Variants in GPC5 observed in about 807,000 individuals in gnomAD.
The protein encoded by GPC5 is glypican-5.
Under a neutral mutation model 53.9 loss-of-function variants are expected in GPC5, and 47 were observed. That is an observed-to-expected ratio of 0.87 (90% CI 0.69 to 1.11). GPC5 has a LOEUF of 1.11. Ranked by LOEUF, GPC5 falls within the 50% of genes most tolerant of loss-of-function variation. GPC5 has a pLI of 0.00. For synonymous variants in GPC5, 286 were observed against 263.3 expected, an observed-to-expected ratio of 1.09 and a Z score of -0.84; for missense variants, 748 against 713.1, an observed-to-expected ratio of 1.05 and a Z score of -0.56.
At chr13:92,518,396 A>G (rs1382398633) in intron 7 of GPC5, among the ~76,000 whole-genome samples, 1 of 152,220 alleles carries the variant, frequency 6.6e-6, no homozygotes, top group Non-Finnish European at 1.5e-5. Flanking sequence ...GGTTACCCAC[A>G]AAGGGAACCC....
chr13:92,080,551 A>G (rs9301778), intron 6 of GPC5, among the ~76,000 whole-genome samples: 79,070 of 151,938 alleles, frequency 0.52, 20,977 homozygotes, highest in East Asian at 0.79. Flanking sequence ...CTTATATTTG[A>G]ACAATTCTTT....
chr13:91,635,441 T>C (rs746862219), intron 2 of GPC5, among the ~76,000 whole-genome samples: 1 of 152,132 alleles, frequency 6.6e-6, no homozygotes, highest in East Asian at 1.9e-4. Flanking sequence ...ATGTGAAATA[T>C]GAATGTGCTG....
At chr13:91,882,524 T>G (rs1004386384) in intron 5 of GPC5, among the ~76,000 whole-genome samples, 1 of 151,942 alleles carries the variant, frequency 6.6e-6, no homozygotes, top group Non-Finnish European at 1.5e-5. Context: ...AAATAGTCTT[T>G]GATTTTTACT....
chr13:91,831,329 T>C (rs1460578068), intron 5 of GPC5, among the ~76,000 whole-genome samples: 2 of 151,750 alleles, frequency 1.3e-5, no homozygotes, highest in Non-Finnish European at 2.9e-5. Flanking sequence ...CTGCTTTATA[T>C]TCCCTTGAAG....
intron 7 of GPC5, among the ~76,000 whole-genome samples, chr13:92,825,994 C>T (rs1364565261): frequency 6.6e-6 from 1 of 152,042 alleles, no homozygotes; most frequent in African/African-American, 2.4e-5. Context: ...AGAGTGCTTC[C>T]AGCATCTTGC....
chr13:91,741,807 T>G (rs2036939952), intron 4 of GPC5, among the ~76,000 whole-genome samples: 1 of 152,176 alleles, frequency 6.6e-6, no homozygotes, highest in African/African-American at 2.4e-5. Flanking sequence ...ATACAAATAT[T>G]CAGTGGATGA....
At chr13:91,934,029 G>A (rs1467633074) in intron 6 of GPC5, among the ~76,000 whole-genome samples, 1 of 151,730 alleles carries the variant, frequency 6.6e-6, no homozygotes, top group East Asian at 1.9e-4. Flanking sequence ...ATGCTTCCCT[G>A]GGACCCTCTT....
chr13:92,519,806 C>CA (rs1422746631), intron 7 of GPC5, among the ~76,000 whole-genome samples: 2 of 152,010 alleles, frequency 1.3e-5, no homozygotes, highest in Admixed American at 1.3e-4. Flanking sequence ...GATAGAGACA[C>CA]AAAAAACCCT....
intron 7 of GPC5, among the ~76,000 whole-genome samples, chr13:92,390,541 C>T (rs80111376): frequency 6.6e-6 from 1 of 152,038 alleles, no homozygotes; most frequent in Non-Finnish European, 1.5e-5. Context: ...TGTGGTCAAG[C>T]GAGTTTAAAC....
At chr13:91,507,792 A>G (rs1310334156) in intron 2 of GPC5, among the ~76,000 whole-genome samples, 2 of 152,226 alleles carry the variant, frequency 1.3e-5, no homozygotes, top group African/African-American at 2.4e-5. Context: ...CTATAGCAGT[A>G]TATTTGTGAG....
intron 7 of GPC5, among the ~76,000 whole-genome samples, chr13:92,847,437 G>C (rs1403331406): frequency 4.6e-5 from 7 of 152,124 alleles, no homozygotes; most frequent in African/African-American, 1.7e-4. Context: ...CATCATGGGG[G>C]TGGATTTCTC....
At chr13:91,587,772 C>T (rs958214015) in intron 2 of GPC5, among the ~76,000 whole-genome samples, 1 of 152,128 alleles carries the variant, frequency 6.6e-6, no homozygotes, top group Non-Finnish European at 1.5e-5. Flanking sequence ...TTTTCTTATT[C>T]TCCCACATAT....
At chr13:92,288,478 T>C (rs1275629589) in intron 7 of GPC5, among the ~76,000 whole-genome samples, 1 of 152,218 alleles carries the variant, frequency 6.6e-6, no homozygotes, top group African/African-American at 2.4e-5. Context: ...AGGACTGTAT[T>C]CATTGTCATA....
At chr13:92,842,955 T>C (rs935091067) in intron 7 of GPC5, among the ~76,000 whole-genome samples, 1 of 152,146 alleles carries the variant, frequency 6.6e-6, no homozygotes, top group African/African-American at 2.4e-5. Context: ...TTAAACCAAA[T>C]GAAACGACAT....
chr13:91,860,702 G>A (rs976634972), intron 5 of GPC5, among the ~76,000 whole-genome samples: 2 of 151,690 alleles, frequency 1.3e-5, no homozygotes, highest in African/African-American at 2.4e-5. Flanking sequence ...GGGTTTCACC[G>A]TGTTGACCAG....
chr13:92,422,112 C>A (rs1348115853), intron 7 of GPC5, among the ~76,000 whole-genome samples: 1 of 145,060 alleles, frequency 6.9e-6, no homozygotes, highest in Non-Finnish European at 1.5e-5. Flanking sequence ...TAATATTATT[C>A]CCAAACAAAT....
intron 1 of GPC5, among the ~76,000 whole-genome samples, chr13:91,443,600 C>G (rs138178526): frequency 1.8e-4 from 28 of 152,304 alleles, no homozygotes; most frequent in Non-Finnish European, 3.8e-4. Flanking sequence ...AGACTGTCAT[C>G]TGACAGATTT....
chr13:92,064,756 C>CAAAAAAAAAAAAACAAAAAAAA (rs1175120330), intron 6 of GPC5, among the ~76,000 whole-genome samples: 1 of 33,644 alleles, frequency 3.0e-5, no homozygotes, highest in Non-Finnish European at 5.6e-5. Context: ...GACTCCGTCT[C>CAAAAAAAAAAAAACAAAAAAAA]AAAAAAAAAA....
rs1257370282 is a variant in GPC5, at chr13:92,594,803, T to C, written c.1562-271479T>C. On this transcript the variant is annotated intron_variant, in intron 7 of 7. Coordinates refer to ENST00000377067, the MANE Select transcript of GPC5 (RefSeq NM_004466.6). ...ACTTCCAACCTGAAATTGAATATTA[T>C]GTCAAACACAAGAGGCCCTTAACAT... Among the ~76,000 whole-genome samples, 5 of 152,226 alleles carry C rather than the reference T, an allele frequency of 3.3e-5. No homozygotes were observed. The East Asian group carries it at 5.8e-4, about 18-fold the overall frequency.
Sources: gnomAD v4.1 joint callset for allele counts (sites outside exome capture counted in the v4.1 genomes callset) on GRCh38, gnomAD v4.1.1 for gene constraint, MANE v1.5 for transcripts, NCBI Gene and HGNC (gene_info 2026-07-23, HGNC 2026-07-21) for gene names.